Variants in PRMT3 observed in about 807,000 individuals in gnomAD.
The protein encoded by PRMT3 is protein arginine N-methyltransferase 3.
PRMT3 carries 62 observed loss-of-function variants against 71.9 expected under a neutral mutation model. The observed-to-expected ratio is 0.86, with a 90% CI of 0.70 to 1.07. PRMT3 has a LOEUF of 1.07. PRMT3 is among the 50% of genes least tolerant of loss of function. PRMT3 has a pLI of 0.00. For synonymous variants in PRMT3, 213 were observed against 220.4 expected (o/e 0.97, Z 0.30); for missense variants, 663 against 643.0 (o/e 1.03, Z -0.34).
chr11:20,441,263 T>A (rs567853595), intron 10 of PRMT3, among the ~76,000 whole-genome samples: 32 of 138,126 alleles, frequency 2.3e-4, no homozygotes, highest in Non-Finnish European at 3.3e-4. Flanking sequence ...GTTACTAACT[T>A]TTTATTTATT....
intron 13 of PRMT3, among the ~76,000 whole-genome samples, chr11:20,488,362 G>T (rs936105675): frequency 2.0e-5 from 3 of 151,988 alleles, no homozygotes; most frequent in African/African-American, 7.2e-5. Context: ...CATTTTTATG[G>T]CATTGTCTGC....
intron 10 of PRMT3, among the ~76,000 whole-genome samples, chr11:20,440,504 AAAAAAAG>A (rs1849868668): frequency 6.7e-6 from 1 of 150,360 alleles, no homozygotes; most frequent in Non-Finnish European, 1.5e-5. Context: ...AAAAAAAAAA[AAAAAAAG>A]AGAAAATAAA....
intron 10 of PRMT3, among the ~76,000 whole-genome samples, chr11:20,445,754 CT>C (rs1850011683): frequency 6.6e-6 from 1 of 152,114 alleles, no homozygotes; most frequent in African/African-American, 2.4e-5. Context: ...GCTGTTACCA[CT>C]TATACTTACA....
chr11:20,401,072 A>G (rs1848938531), intron 7 of PRMT3, among the ~76,000 whole-genome samples: 1 of 152,148 alleles, frequency 6.6e-6, no homozygotes, highest in Non-Finnish European at 1.5e-5. Flanking sequence ...CAGCATGAGC[A>G]TACAAACAAA....
In PRMT3 at chr11:20,508,329, A is replaced by C. The variant is rs773766690; in HGVS notation, c.1512A>C (p.Thr504=). The change falls in exon 16 of 16, where the codon ACA becomes ACC. Residue 504 remains threonine, a synonymous_variant. Transcript: ENST00000331079. ...KAGEALKGKV[T]VHKNKKDPRS... ...GTGAAGCCTTGAAAGGAAAGGTCAC[A>C]GTTCACAAGAATAAGAAAGATCCAC... 1.9e-6 allele frequency: 3 copies of C among 1,610,164 alleles called. No homozygotes were observed. Among genetic ancestry groups the C allele is most frequent in the East Asian group, 4.5e-5 (2 of 44,860 alleles).
chr11:20,427,193 A>G (rs1234667154), intron 10 of PRMT3, among the ~76,000 whole-genome samples: 1 of 152,162 alleles, frequency 6.6e-6, no homozygotes, highest in Non-Finnish European at 1.5e-5. Flanking sequence ...GCCTCCAGGG[A>G]CTAATAAGAA....
Position 20,404,954 on chromosome 11 carries a change from A to G in PRMT3, c.771+1970A>G, listed in dbSNP as rs187679778. On this transcript the variant is annotated intron_variant, in intron 8 of 15. Coordinates refer to ENST00000331079, the MANE Select transcript of PRMT3 (RefSeq NM_005788.4). ...AAGTAAGTTAGAATGTTCCTTCAGT[A>G]TGCTTCTGAATGGACTTGTCTTATA... Among the ~76,000 whole-genome samples the G allele has an allele frequency of 1.6e-4, 24 of 152,354 alleles. No homozygotes were observed. In the East Asian group the frequency reaches 2.3e-3, roughly 15 times the overall value.
Position 20,392,992 on chromosome 11 carries a change from T to C in PRMT3, c.393T>C (p.Leu131=), listed in dbSNP as rs1288910872. Residue 131 remains leucine (L), a synonymous_variant, in exon 5 of 16, where the codon CTT becomes CTC. Transcript: ENST00000331079. The part of the protein sequence containing the change: ...LKPVLEDDLL[L]QFDVEDLYEP... The stretch of plus-strand genomic sequence containing the variant: ...CAGTATTAGAAGATGACCTTTTACT[T>C]CAATTTGGTAAGATGAACATAAGTG... 1 of 1,583,324 alleles carries C rather than the reference T, an allele frequency of 6.3e-7. No individual in the cohort carries two copies. Among genetic ancestry groups the C allele is most frequent in the East Asian group, 2.2e-5 (1 of 44,682 alleles).
chr11:20,470,305 C>T (rs574517901), intron 13 of PRMT3, among the ~76,000 whole-genome samples: 3 of 152,248 alleles, frequency 2.0e-5, no homozygotes, highest in Non-Finnish European at 2.9e-5. Context: ...CATAGGTAAA[C>T]GTGTGCCATA....
intron 7 of PRMT3, among the ~76,000 whole-genome samples, chr11:20,399,459 T>C (rs1036175404): frequency 6.6e-6 from 1 of 152,080 alleles, no homozygotes; most frequent in Non-Finnish European, 1.5e-5. Flanking sequence ...AAGTAATACG[T>C]TATTTTAAGT....
At chr11:20,490,323 C>A (rs1375745770) in intron 13 of PRMT3, among the ~76,000 whole-genome samples, 1 of 152,154 alleles carries the variant, frequency 6.6e-6, no homozygotes, top group Non-Finnish European at 1.5e-5. Flanking sequence ...GTCATAGATT[C>A]TTTCCAGTGC....
intron 11 of PRMT3, among the ~76,000 whole-genome samples, chr11:20,453,133 A>G (rs931440898): frequency 3.9e-5 from 6 of 152,012 alleles, no homozygotes; most frequent in African/African-American, 1.4e-4. Context: ...GACCATAGTT[A>G]TGCCTCCTAC....
At chr11:20,488,063 A>C (rs552394577) in intron 13 of PRMT3, among the ~76,000 whole-genome samples, 5 of 152,286 alleles carry the variant, frequency 3.3e-5, no homozygotes, top group African/African-American at 1.2e-4. Context: ...TGAGACGTAT[A>C]TGGCACTTAA....
chr11:20,436,794 C>T (rs1311959668), intron 10 of PRMT3, among the ~76,000 whole-genome samples: 1 of 151,772 alleles, frequency 6.6e-6, no homozygotes, highest in Non-Finnish European at 1.5e-5. Flanking sequence ...TAATGCTAAC[C>T]TCATAGAATG....
intron 10 of PRMT3, among the ~76,000 whole-genome samples, chr11:20,436,779 C>G (rs974925060): frequency 4.0e-5 from 6 of 151,508 alleles, no homozygotes; most frequent in African/African-American, 1.5e-4. Context: ...ATTTTGTTAT[C>G]TATATAATGC....
chr11:20,461,868 A>G (rs1850390894), intron 11 of PRMT3, 112 bp from the exon 12 acceptor site: 1 of 909,076 alleles, frequency 1.1e-6, no homozygotes, highest in Non-Finnish European at 1.5e-6. Flanking sequence ...TTAATCTCCC[A>G]TTGCTAGTAA....
At chr11:20,444,876 G>C (rs1008025922) in intron 10 of PRMT3, among the ~76,000 whole-genome samples, 1 of 151,984 alleles carries the variant, frequency 6.6e-6, no homozygotes, top group African/African-American at 2.4e-5. Flanking sequence ...TCTCTTTTCA[G>C]TTCTGTCAGG....
intron 13 of PRMT3, among the ~76,000 whole-genome samples, chr11:20,473,542 G>A (rs1251560326): frequency 6.6e-6 from 1 of 152,146 alleles, no homozygotes; most frequent in Non-Finnish European, 1.5e-5. Context: ...GTGTGGTTTT[G>A]AGTGAATTTG....
chr11:20,471,652 T>G (rs1345065746), intron 13 of PRMT3, among the ~76,000 whole-genome samples: 1 of 152,200 alleles, frequency 6.6e-6, no homozygotes, highest in Non-Finnish European at 1.5e-5. Context: ...GCATGATGCC[T>G]CTAGCTTTGT....
Sources: allele counts gnomAD v4.1 joint callset (sites outside exome capture counted in the v4.1 genomes callset), GRCh38; gene constraint gnomAD v4.1.1; transcripts MANE v1.5; gene names NCBI Gene and HGNC (gene_info 2026-07-23, HGNC 2026-07-21).